USP34: variants seen among roughly 807,000 people sequenced by gnomAD.
The protein encoded by USP34 is ubiquitin specific peptidase 34.
USP34 carries 70 observed loss-of-function variants against 460.3 expected under a neutral mutation model. The observed-to-expected ratio is 0.15, with a 90% CI of 0.13 to 0.19. USP34 has a LOEUF of 0.19. Among genes scored for constraint, USP34 ranks in the 10% least tolerant of loss-of-function variants. The pLI is 1.00. For missense variants in USP34, 3,985 were observed against 4,236.2 expected, an observed-to-expected ratio of 0.94 and a Z score of 1.65; for synonymous variants, 1,647 against 1,405.3, an observed-to-expected ratio of 1.17 and a Z score of -3.85.
chr2:61,442,797 T>C (rs928140670), intron 1 of USP34, among the ~76,000 whole-genome samples: 5 of 152,010 alleles, frequency 3.3e-5, no homozygotes, highest in South Asian at 4.1e-4. Context: ...ATCAGAGACG[T>C]CTGCATTCCC....
intron 1 of USP34, among the ~76,000 whole-genome samples, chr2:61,426,991 C>T (rs1189818450): frequency 6.6e-6 from 1 of 152,216 alleles, no homozygotes. Flanking sequence ...CACAGAATTA[C>T]TGGGCTTGGG....
chr2:61,272,056 G>A (rs1349289408), intron 41 of USP34, among the ~76,000 whole-genome samples: 1 of 152,128 alleles, frequency 6.6e-6, no homozygotes, highest in African/African-American at 2.4e-5. Flanking sequence ...TGACATTTCT[G>A]AGTTTTTCTT....
intron 48 of USP34, among the ~76,000 whole-genome samples, chr2:61,251,005 G>A (rs1303598634): frequency 1.3e-5 from 2 of 152,208 alleles, no homozygotes; most frequent in Admixed American, 1.3e-4. Context: ...GGGCGTGGTG[G>A]CGGGCGCCTG....
chr2:61,434,218 G>A (rs1010330506), intron 1 of USP34, among the ~76,000 whole-genome samples: 10 of 152,140 alleles, frequency 6.6e-5, no homozygotes, highest in South Asian at 4.2e-4. Flanking sequence ...ACAGCCCTGC[G>A]CCCCCAATAA....
intron 58 of USP34, among the ~76,000 whole-genome samples, chr2:61,230,905 C>T (rs1687876537): frequency 6.7e-6 from 1 of 149,314 alleles, no homozygotes; most frequent in African/African-American, 2.5e-5. Context: ...AAAACATACA[C>T]AAAGAAGTGA....
intron 5 of USP34, among the ~76,000 whole-genome samples, chr2:61,389,864 G>C: frequency 6.7e-6 from 1 of 149,778 alleles, no homozygotes; most frequent in East Asian, 1.9e-4. Context: ...GGGAAAAAAA[G>C]AAAAAAAAAG....
At chr2:61,272,412 A>AG (rs1176608044) in intron 41 of USP34, among the ~76,000 whole-genome samples, 112 of 142,808 alleles carry the variant, frequency 7.8e-4, no homozygotes, top group East Asian at 4.1e-3. Context: ...CCCCATCTCA[A>AG]AAAAAAAAAA....
chr2:61,312,540 C>G (rs1279472490), intron 25 of USP34, among the ~76,000 whole-genome samples: 1 of 150,466 alleles, frequency 6.6e-6, no homozygotes, highest in Non-Finnish European at 1.5e-5. Flanking sequence ...TAAAACTAAT[C>G]AGCAAATTTG....
At chr2:61,327,703 T>C (rs905008441) in intron 20 of USP34, among the ~76,000 whole-genome samples, 2 of 152,156 alleles carry the variant, frequency 1.3e-5, no homozygotes, top group South Asian at 2.1e-4. Context: ...TCCCACAGTA[T>C]AGCCCCGATG....
Position 61,330,318 on chromosome 2 carries a change from G to A in USP34, c.2930+958C>T, listed in dbSNP as rs187277006. Among the ~76,000 whole-genome samples the A allele has an allele frequency of 2.0e-4, 31 of 152,080 alleles. No homozygotes were observed. In the East Asian group the frequency reaches 3.5e-3, roughly 17 times the overall value. ...AACTAACACTGGCTTTTTTCTCATC[G>A]TCATCATTATTCATGTTTGGAAATA... is the stretch of plus-strand genomic sequence containing the variant. On this transcript the variant is annotated intron_variant, in intron 20 of 79. Coordinates refer to ENST00000398571, the MANE Select transcript of USP34 (RefSeq NM_014709.4).
intron 10 of USP34, among the ~76,000 whole-genome samples, chr2:61,354,507 A>C (rs924394542): frequency 6.6e-6 from 1 of 152,214 alleles, no homozygotes; most frequent in African/African-American, 2.4e-5. Context: ...ACAGTTTCCC[A>C]GTGTGCTTCT....
intron 79 of USP34, 81 bp from the exon 80 acceptor site, chr2:61,188,790 T>C: frequency 6.4e-7 from 1 of 1,567,340 alleles, no homozygotes; most frequent in Non-Finnish European, 8.6e-7. Context: ...AAGTTAATTT[T>C]GTTTCTAGCA....
intron 59 of USP34, 84 bp from the exon 60 acceptor site, chr2:61,229,079 ATTTCT>A: frequency 9.2e-7 from 1 of 1,091,316 alleles, no homozygotes; most frequent in Non-Finnish European, 1.2e-6. Context: ...TAAACTCTGA[ATTTCT>A]TTTATCTTTG....
chr2:61,195,620 C>T (rs764048777), intron 75 of USP34, among the ~76,000 whole-genome samples: 3 of 151,966 alleles, frequency 2.0e-5, no homozygotes, highest in South Asian at 2.1e-4. Context: ...TGCAATGAGA[C>T]GAGATTGTGC....
rs1405361268 is a variant in USP34 at position 61,221,477 on chromosome 2, TGA to T, written c.7899+23_7899+24del. 1.9e-6 allele frequency: 3 copies of T among 1,585,632 alleles called. No individual in the cohort carries two copies. In the Admixed American group the frequency reaches 5.5e-5, roughly 29 times the overall value. ...ATAAAATCCTCAGGAAAATAAACAT[TGA>T]AAACACCTGCTGCAAGACTTACCTC... On this transcript the variant is annotated intron_variant, in intron 66 of 79. Transcript: ENST00000398571.
Position 61,314,900 on chromosome 2 carries a change from C to T in USP34, c.3357G>A (p.Gln1119=), listed in dbSNP as rs757907069. 1.2e-6 allele frequency: 2 copies of T among 1,613,758 alleles called. No individual in the cohort carries two copies. The highest frequency in any genetic ancestry group is 1.7e-6 in the Non-Finnish European group (2 of 1,179,862). Residue 1119 remains glutamine, a synonymous_variant, in exon 24 of 80, where the codon CAG becomes CAA. Coordinates refer to ENST00000398571, the MANE Select transcript of USP34 (RefSeq NM_014709.4). ...QSGDVSRAAI[Q]YINSYYINGK... is the part of the protein sequence containing the mutation. ...CATTAATATAATAGGAGTTAATATA[C>T]TGGATAGCTGCTCGACTGACATCAC...
chr2:61,277,169 T>G (rs957439535), intron 41 of USP34, among the ~76,000 whole-genome samples: 4 of 152,164 alleles, frequency 2.6e-5, no homozygotes, highest in South Asian at 2.1e-4. Context: ...AGGATATGAT[T>G]CACAGTTTAG....
chr2:61,274,266 T>C (rs960854567), intron 41 of USP34, among the ~76,000 whole-genome samples: 1 of 152,038 alleles, frequency 6.6e-6, no homozygotes, highest in Admixed American at 6.6e-5. Context: ...GGTGCATGCC[T>C]GTAATCCCAG....
rs1687834456 is a variant in USP34, at chr2:61,229,606, T to C, written c.7141A>G (p.Ile2381Val). The C allele has an allele frequency of 6.2e-7, 1 of 1,612,442 alleles. No individual in the cohort carries two copies. Residue 2381 changes from isoleucine to valine, a missense_variant, in exon 59 of 80, where the codon ATT becomes GTT. By Grantham distance (29) the Ile-to-Val change is conservative (BLOSUM62 3). Transcript: ENST00000398571. ...QMFQRLCIHV[I>V]QRLRPVHAHL... ...GCATGCACAGGTCTCAGCCTCTGAA[T>C]CACATGGATACACAAACGCTGAAAC...
Sources: gnomAD v4.1 joint callset for allele counts (sites outside exome capture counted in the v4.1 genomes callset) on GRCh38, gnomAD v4.1.1 for gene constraint, MANE v1.5 for transcripts, NCBI Gene and HGNC (gene_info 2026-07-23, HGNC 2026-07-21) for gene names.